Variants in RTN4RL1 observed in about 807,000 individuals in gnomAD.
RTN4RL1 encodes the protein reticulon-4 receptor-like 1.
RTN4RL1 carries 7 observed loss-of-function variants against 25.6 expected under a neutral mutation model. That is an observed-to-expected ratio of 0.27 (90% CI 0.16 to 0.51). RTN4RL1 has a LOEUF of 0.51. Among genes scored for constraint, RTN4RL1 ranks in the 20% least tolerant of loss-of-function variants. The pLI is 0.97. For synonymous variants in RTN4RL1, 297 were observed against 288.2 expected, an observed-to-expected ratio of 1.03 and a Z score of -0.31; for missense variants, 500 against 615.6, an observed-to-expected ratio of 0.81 and a Z score of 1.99.
intron 1 of RTN4RL1, among the ~76,000 whole-genome samples, chr17:1,951,923 C>T (rs1254372442): frequency 1.3e-5 from 2 of 152,216 alleles, no homozygotes; most frequent in African/African-American, 4.8e-5. Context: ...GGATGAAGAT[C>T]GAATGTGAGT....
chr17:1,986,093 G>C (rs1039744513), intron 1 of RTN4RL1, among the ~76,000 whole-genome samples: 7 of 151,982 alleles, frequency 4.6e-5, no homozygotes, highest in Admixed American at 4.6e-4. Context: ...CTAGCAGAGA[G>C]GACTAGGCCC....
In RTN4RL1 at chr17:1,936,871, C is replaced by T. The variant is rs761879670; in HGVS notation, c.951G>A (p.Thr317=). The change falls in exon 2 of 2, where the codon ACG becomes ACA. Residue 317 remains threonine, a synonymous_variant. Coordinates refer to ENST00000331238, the MANE Select transcript of RTN4RL1 (RefSeq NM_178568.4). The part of the protein sequence containing the change: ...PASPHQIKSH[T]LTTTDRAARK... ...GGGCGGCCCTGTCGGTGGTGGTGAG[C>T]GTGTGTGACTTGATCTGGTGCGGGG... 1.1e-5 allele frequency: 17 copies of T among 1,596,794 alleles called. No homozygotes were observed. Among genetic ancestry groups the T allele is most frequent in the Non-Finnish European group, 1.4e-5 (16 of 1,171,634 alleles).
At chr17:1,984,972 A>AAAAAAAG (rs1168165347) in intron 1 of RTN4RL1, among the ~76,000 whole-genome samples, 8 of 152,198 alleles carry the variant, frequency 5.3e-5, no homozygotes, top group Non-Finnish European at 7.4e-5. Flanking sequence ...CATCTCAAAA[A>AAAAAAAG]AAAAAAGAAA....
chr17:1,941,888 G>C (rs1915445936), intron 1 of RTN4RL1, among the ~76,000 whole-genome samples: 1 of 152,192 alleles, frequency 6.6e-6, no homozygotes, highest in Admixed American at 6.5e-5. Flanking sequence ...AGGGAGGCTG[G>C]CGCAGCTTTG....
chr17:1,995,426 C>CA (rs1036512075), intron 1 of RTN4RL1, among the ~76,000 whole-genome samples: 7,530 of 63,004 alleles, frequency 0.12, 353 homozygotes, highest in Middle Eastern at 0.2. Context: ...AACTCTGTCT[C>CA]AAAAAAAAAA....
chr17:1,952,639 G>A (rs980086356), intron 1 of RTN4RL1, among the ~76,000 whole-genome samples: 3 of 150,238 alleles, frequency 2.0e-5, no homozygotes, highest in Non-Finnish European at 1.5e-5. Flanking sequence ...CACCACACCC[G>A]GCCTCTCCTC....
intron 1 of RTN4RL1, among the ~76,000 whole-genome samples, chr17:1,955,847 G>A (rs1184656355): frequency 6.6e-6 from 1 of 151,778 alleles, no homozygotes; most frequent in African/African-American, 2.4e-5. Context: ...GCCTCCCAAC[G>A]TGCTGCGATT....
intron 1 of RTN4RL1, among the ~76,000 whole-genome samples, chr17:2,015,605 G>A (rs930530071): frequency 2.6e-5 from 4 of 152,350 alleles, no homozygotes; most frequent in African/African-American, 9.6e-5. Flanking sequence ...CAGGGCCGAT[G>A]CCCCAGAAGG....
intron 1 of RTN4RL1, among the ~76,000 whole-genome samples, chr17:1,993,157 A>G (rs2066916708): frequency 6.6e-6 from 1 of 152,198 alleles, no homozygotes; most frequent in South Asian, 2.1e-4. Context: ...CTGAGGCAGG[A>G]GAATCGCTTG....
intron 1 of RTN4RL1, among the ~76,000 whole-genome samples, chr17:1,989,645 T>C (rs1440906287): frequency 6.6e-6 from 1 of 152,020 alleles, no homozygotes; most frequent in Non-Finnish European, 1.5e-5. Flanking sequence ...ATGATCTCGG[T>C]TCACTGCCAC....
intron 1 of RTN4RL1, among the ~76,000 whole-genome samples, chr17:2,011,646 A>G (rs1396899547): frequency 6.6e-6 from 1 of 152,142 alleles, no homozygotes; most frequent in Non-Finnish European, 1.5e-5. Flanking sequence ...AGGCTTTGGG[A>G]GTCCAGGTCA....
At chr17:2,001,928 G>GGGGGAGGGGA (rs1297098674) in intron 1 of RTN4RL1, among the ~76,000 whole-genome samples, 13 of 20,638 alleles carry the variant, frequency 6.3e-4, no homozygotes, top group Admixed American at 5.4e-3. Context: ...CTTCAGCCCT[G>GGGGGAGGGGA]GGGGAGGGGA....
intron 1 of RTN4RL1, among the ~76,000 whole-genome samples, chr17:1,987,548 C>T (rs1251717021): frequency 2.0e-5 from 3 of 152,288 alleles, no homozygotes; most frequent in East Asian, 1.9e-4. Flanking sequence ...GTAAGATTCC[C>T]GCTCTGTCCC....
chr17:1,945,021 C>G (rs1037960721), intron 1 of RTN4RL1, among the ~76,000 whole-genome samples: 17 of 152,176 alleles, frequency 1.1e-4, no homozygotes, highest in African/African-American at 4.1e-4. Context: ...CCTTCCCTCC[C>G]CAGCCGCAGT....
At chr17:1,980,221 G>A (rs1412787870) in intron 1 of RTN4RL1, among the ~76,000 whole-genome samples, 1 of 138,242 alleles carries the variant, frequency 7.2e-6, no homozygotes, top group Admixed American at 7.5e-5. Context: ...GTGCCACCAC[G>A]CTCAGCTAAT....
intron 1 of RTN4RL1, among the ~76,000 whole-genome samples, chr17:1,991,904 A>G (rs1484186670): frequency 6.6e-6 from 1 of 152,172 alleles, no homozygotes; most frequent in African/African-American, 2.4e-5. Flanking sequence ...TGCTCTATTT[A>G]CGGAGCTGTA....
intron 1 of RTN4RL1, among the ~76,000 whole-genome samples, chr17:1,968,178 T>G (rs4239061): frequency 0.97 from 146,916 of 152,222 alleles, 71,096 homozygotes; most frequent in Non-Finnish European, 1. Context: ...CCGACTCCAA[T>G]TCCGAACTGC....
chr17:1,995,404 T>A (rs909501862), intron 1 of RTN4RL1, among the ~76,000 whole-genome samples: 55 of 139,356 alleles, frequency 3.9e-4, no homozygotes, highest in South Asian at 6.7e-4. Flanking sequence ...ACAGCCTGGG[T>A]GACAAGAGTG....
intron 1 of RTN4RL1, among the ~76,000 whole-genome samples, chr17:1,957,612 G>A (rs1302926969): frequency 2.6e-5 from 4 of 151,372 alleles, no homozygotes; most frequent in African/African-American, 7.3e-5. Context: ...AGGCTGAGGC[G>A]GGTGGATCAC....
Sources: allele counts gnomAD v4.1 joint callset (sites outside exome capture counted in the v4.1 genomes callset), GRCh38; gene constraint gnomAD v4.1.1; transcripts MANE v1.5; gene names NCBI Gene and HGNC (gene_info 2026-07-23, HGNC 2026-07-21).